TIPIN: variants seen among roughly 807,000 people sequenced by gnomAD.
TIPIN encodes the protein TIMELESS interacting protein, also known as TIMELESS-interacting protein.
In TIPIN, 29 loss-of-function variants were observed where a neutral mutation model predicts 35.6. The ratio of observed to expected loss-of-function variants is 0.82; its 90% CI spans 0.61 to 1.11. TIPIN has a LOEUF of 1.11. TIPIN is among the 50% of genes most tolerant of loss of function. The probability of loss-of-function intolerance (pLI) is 0.00; values close to 1 mark genes in which losing one functional copy is unlikely to be tolerated. For missense variants in TIPIN, 296 were observed against 345.4 expected, an observed-to-expected ratio of 0.86 and a Z score of 1.13; for synonymous variants, 102 against 121.5, an observed-to-expected ratio of 0.84 and a Z score of 1.06.
chr15:66,360,621 G>T (rs578039821), upstream of TIPIN, among the ~76,000 whole-genome samples: 1 of 152,208 alleles, frequency 6.6e-6, no homozygotes, highest in South Asian at 2.1e-4. Context: ...CTTGAGGCCA[G>T]GAGTTCAAGA....
At chr15:66,337,924 T>C (rs890819406) in intron 7 of TIPIN, among the ~76,000 whole-genome samples, 4 of 151,394 alleles carry the variant, frequency 2.6e-5, no homozygotes, top group African/African-American at 9.7e-5. Context: ...ACTCACACTC[T>C]TGGATCATAG....
At chr15:66,379,630 A>G in intron 1 of TIPIN, 2 of 1,609,368 alleles carry the variant, frequency 1.2e-6, no homozygotes, top group South Asian at 2.2e-5. Flanking sequence ...AAGTAAGCAT[A>G]CACAGACCTC....
At chr15:66,349,252 C>T in intron 5 of TIPIN, 63 bp downstream of exon 5, 1 of 1,601,814 alleles carries the variant, frequency 6.2e-7, no homozygotes, top group Non-Finnish European at 8.5e-7. Flanking sequence ...GCAATTTAGC[C>T]TCAACTAAAT....
At chr15:66,339,158 G>GA (rs147989187) in intron 7 of TIPIN, among the ~76,000 whole-genome samples, 27,179 of 85,802 alleles carry the variant, frequency 0.32, 10,831 homozygotes, top group African/African-American at 0.53. Flanking sequence ...AAAAAAAAAA[G>GA]CAAAAAGAAA....
At chr15:66,360,730 C>A (rs2093227328), upstream of TIPIN, among the ~76,000 whole-genome samples, 1 of 151,866 alleles carries the variant, frequency 6.6e-6, no homozygotes, top group Non-Finnish European at 1.5e-5. Context: ...ACTTTGGGAG[C>A]CCAAGGTAGG....
chr15:66,349,380 GGAATA>G lies in TIPIN; in HGVS notation c.341_345del (p.Leu114ProfsTer2). ...ATAAAATCCTCAAACTGCAGTTTAGGGAATAGCCTATGTGCCCAGTGCTCCATGTG... is the reference window on the plus strand; with the variant it reads ...ATAAAATCCTCAAACTGCAGTTTAGGGCCTATGTGCCCAGTGCTCCATGTG... On this transcript the variant is annotated frameshift_variant, in exon 5 of 8. Coordinates refer to ENST00000261881, the MANE Select transcript of TIPIN (RefSeq NM_017858.3). LOFTEE classifies it high-confidence loss of function. 1 of 1,613,970 alleles carries G rather than the reference GGAATA, an allele frequency of 6.2e-7. No homozygotes were observed. Among genetic ancestry groups the G allele is most frequent in the Non-Finnish European group, 8.5e-7 (1 of 1,180,006 alleles).
At chr15:66,380,493 G>T (rs920638086) in intron 1 of TIPIN, among the ~76,000 whole-genome samples, 1 of 151,944 alleles carries the variant, frequency 6.6e-6, no homozygotes, top group African/African-American at 2.4e-5. Flanking sequence ...TGATATAGAC[G>T]TTACGTTTTT....
intron 6 of TIPIN, chr15:66,348,503 C>A: frequency 8.3e-6 from 1 of 120,426 alleles, no homozygotes. Flanking sequence ...AACCCCATCT[C>A]TACTAAAAAA....
intron 7 of TIPIN, among the ~76,000 whole-genome samples, chr15:66,338,187 C>T (rs748918486): frequency 4.0e-4 from 61 of 150,776 alleles, no homozygotes; most frequent in Admixed American, 1.6e-3. Context: ...ACCTAGGAGG[C>T]GGAGGTTGCA....
intron 1 of TIPIN, chr15:66,379,126 C>A (rs1032757711): frequency 1.7e-6 from 1 of 572,580 alleles, no homozygotes; most frequent in Non-Finnish European, 2.9e-6. Context: ...TGGCGTTAAG[C>A]AATTGTCCCG....
intron 1 of TIPIN, among the ~76,000 whole-genome samples, chr15:66,382,019 T>C (rs1027406565): frequency 6.6e-6 from 1 of 152,076 alleles, no homozygotes; most frequent in African/African-American, 2.4e-5. Flanking sequence ...GAGCCGAGAT[T>C]GCACCACTGC....
chr15:66,342,108 G>A (rs1312707718), intron 6 of TIPIN, among the ~76,000 whole-genome samples: 6 of 149,418 alleles, frequency 4.0e-5, no homozygotes, highest in South Asian at 2.1e-4. Context: ...TGCTTGAACC[G>A]GGACCCGGGA....
chr15:66,363,364 C>T (rs2093239199), intron 1 of TIPIN, among the ~76,000 whole-genome samples: 1 of 151,658 alleles, frequency 6.6e-6, no homozygotes, highest in Admixed American at 6.6e-5. Flanking sequence ...AAAAATTAGG[C>T]CGGGCACGGT....
intron 1 of TIPIN, among the ~76,000 whole-genome samples, chr15:66,353,547 C>T (rs1053132617): frequency 2.0e-5 from 3 of 149,298 alleles, no homozygotes; most frequent in African/African-American, 5.0e-5. Flanking sequence ...ATCCAGGAGG[C>T]GGAGCTTGCA....
intron 1 of TIPIN, among the ~76,000 whole-genome samples, chr15:66,374,181 C>A (rs1566985978): frequency 6.6e-6 from 1 of 151,736 alleles, no homozygotes; most frequent in Non-Finnish European, 1.5e-5. Context: ...AGGAATCCTC[C>A]TATCTTAGCC....
intron 1 of TIPIN, among the ~76,000 whole-genome samples, chr15:66,366,153 C>CA (rs537298134): frequency 0.13 from 18,174 of 143,282 alleles, 1,606 homozygotes; most frequent in African/African-American, 0.26. Context: ...GAGTCCCTCC[C>CA]AAAAAAAAAA....
rs1280656787 is a variant in TIPIN, at chr15:66,336,360, C to G, written c.*598G>C. 1 of 152,730 alleles carries G rather than the reference C, an allele frequency of 6.5e-6. No homozygotes were observed. The highest frequency in any genetic ancestry group is 1.5e-5 in the Non-Finnish European group (1 of 68,486). 9.5% of individuals were successfully genotyped at this position (152,730 alleles called of 1,614,324 possible). A position where few individuals can be genotyped will look rare whatever the true frequency, so the allele number is the denominator to read the frequency against. On this transcript the variant is annotated 3_prime_UTR_variant, in exon 8 of 8. Coordinates refer to ENST00000261881, the MANE Select transcript of TIPIN (RefSeq NM_017858.3). ...CCTGAGGTTAGGAGTTTGAGACCAG[C>G]CTGGCCAACATGGTGAAACCTCATC...
At chr15:66,350,852 G>A (rs1313335383) in intron 4 of TIPIN, among the ~76,000 whole-genome samples, 1 of 147,342 alleles carries the variant, frequency 6.8e-6, no homozygotes, top group African/African-American at 2.5e-5. Flanking sequence ...GGAGAATGGC[G>A]TAAACCTGGG....
intron 1 of TIPIN, chr15:66,379,768 T>C: frequency 1.2e-6 from 2 of 1,604,532 alleles, no homozygotes; most frequent in Non-Finnish European, 1.7e-6. Flanking sequence ...TTTTTTTTCT[T>C]TCCAAGAAGA....
Sources: gnomAD v4.1 joint callset for allele counts (sites outside exome capture counted in the v4.1 genomes callset) on GRCh38, gnomAD v4.1.1 for gene constraint, MANE v1.5 for transcripts, NCBI Gene and HGNC (gene_info 2026-07-23, HGNC 2026-07-21) for gene names.